The following ARFIP1 variants were observed in gnomAD, a reference collection of about 807,000 sequenced individuals.
The protein encoded by ARFIP1 is arfaptin-1.
Under a neutral mutation model 42.5 loss-of-function variants are expected in ARFIP1, and 24 were observed. The ratio of observed to expected loss-of-function variants is 0.57; its 90% confidence interval spans 0.41 to 0.80. The LOEUF is 0.80. Ranked by LOEUF, ARFIP1 falls within the 30% of genes least tolerant of loss-of-function variation. ARFIP1 has a pLI of 0.00. For synonymous variants in ARFIP1, 141 were observed against 153.7 expected (o/e 0.92, Z 0.61); for missense variants, 354 against 434.0 (o/e 0.82, Z 1.64).
intron 5 of ARFIP1, among the ~76,000 whole-genome samples, chr4:152,878,954 G>A (rs1448978304): frequency 2.6e-5 from 4 of 152,192 alleles, no homozygotes; most frequent in African/African-American, 7.2e-5. Flanking sequence ...AATAAGTGAT[G>A]TATCTATCTC....
chr4:152,881,235 G>T (rs750222943), intron 6 of ARFIP1, 51 bp downstream of exon 6: 2 of 1,364,254 alleles, frequency 1.5e-6, no homozygotes, highest in African/African-American at 1.5e-5. Context: ...GATAATAGAA[G>T]TATTCTAAGA....
chr4:152,823,946 A>G (rs998127385), intron 1 of ARFIP1, among the ~76,000 whole-genome samples: 2 of 152,218 alleles, frequency 1.3e-5, no homozygotes, highest in Admixed American at 1.3e-4. Context: ...AGACCAATAT[A>G]CCTGATGAAC....
At chr4:152,832,771 G>C (rs892451559) in intron 2 of ARFIP1, among the ~76,000 whole-genome samples, 2 of 152,140 alleles carry the variant, frequency 1.3e-5, no homozygotes, top group African/African-American at 4.8e-5. Flanking sequence ...TAGGGACCAA[G>C]ATTTTTCTTC....
chr4:152,894,715 T>C (rs1737165398), intron 8 of ARFIP1, among the ~76,000 whole-genome samples: 1 of 152,232 alleles, frequency 6.6e-6, no homozygotes, highest in South Asian at 2.1e-4. Flanking sequence ...CTTTCAACAC[T>C]GTGCCAAATA....
chr4:152,814,124 C>G (rs1034794794), intron 1 of ARFIP1, among the ~76,000 whole-genome samples: 6 of 130,582 alleles, frequency 4.6e-5, no homozygotes, highest in African/African-American at 1.8e-4. Context: ...TTGTTTCACT[C>G]TGTCACCCAG....
intron 1 of ARFIP1, among the ~76,000 whole-genome samples, chr4:152,819,211 A>G (rs1365237085): frequency 1.3e-5 from 2 of 152,274 alleles, no homozygotes; most frequent in African/African-American, 4.8e-5. Context: ...CAGCTGGCAC[A>G]GCCCCGTTAC....
chr4:152,812,097 A>G lies in ARFIP1; in HGVS notation c.-9-17528A>G, dbSNP rs532599100. Among the ~76,000 whole-genome samples the G allele has an allele frequency of 5.3e-5, 8 of 152,336 alleles. No homozygotes were observed. The East Asian group carries it at 1.5e-3, about 29-fold the overall frequency. On this transcript the variant is annotated intron_variant, in intron 1 of 8. Coordinates refer to ENST00000353617, the MANE Select transcript of ARFIP1 (RefSeq NM_001025595.3). Reference sequence around the variant, plus strand: ...TTATTTAAAGTCACAAACCCGGAACAATACATAGTTCCATTGCTGTAATTT... The same window carrying G: ...TTATTTAAAGTCACAAACCCGGAACGATACATAGTTCCATTGCTGTAATTT...
At chr4:152,866,944 C>T (rs573693747) in intron 3 of ARFIP1, among the ~76,000 whole-genome samples, 111 of 150,884 alleles carry the variant, frequency 7.4e-4, no homozygotes, top group African/African-American at 2.6e-3. Context: ...GGATGGCGGC[C>T]GGGAAGAGGC....
chr4:152,889,616 A>C (rs1192044260), intron 8 of ARFIP1, among the ~76,000 whole-genome samples: 1 of 129,030 alleles, frequency 7.8e-6, no homozygotes, highest in East Asian at 2.1e-4. Context: ...CTATATATAC[A>C]TATATATACT....
At chr4:152,829,305 C>A (rs1731085954) in intron 1 of ARFIP1, among the ~76,000 whole-genome samples, 1 of 152,082 alleles carries the variant, frequency 6.6e-6, no homozygotes. Flanking sequence ...GAATTAACAA[C>A]CAAGCTTGGC....
intron 8 of ARFIP1, among the ~76,000 whole-genome samples, chr4:152,901,341 T>C (rs1430063517): frequency 6.6e-6 from 1 of 152,224 alleles, no homozygotes; most frequent in Non-Finnish European, 1.5e-5. Flanking sequence ...CTTGGCATCA[T>C]CTATCAGTTC....
intron 1 of ARFIP1, among the ~76,000 whole-genome samples, chr4:152,816,010 C>T (rs1021739521): frequency 6.6e-6 from 1 of 152,136 alleles, no homozygotes; most frequent in Non-Finnish European, 1.5e-5. Context: ...TCCCAAAGTG[C>T]TGGGATTACA....
intron 2 of ARFIP1, among the ~76,000 whole-genome samples, chr4:152,859,262 A>G (rs908557348): frequency 6.6e-6 from 1 of 152,042 alleles, no homozygotes; most frequent in Non-Finnish European, 1.5e-5. Context: ...GGGTTTTGCC[A>G]TGTTGCCTAG....
At chr4:152,824,509 C>A (rs1019432609) in intron 1 of ARFIP1, among the ~76,000 whole-genome samples, 1 of 151,996 alleles carries the variant, frequency 6.6e-6, no homozygotes, top group African/African-American at 2.4e-5. Context: ...ATGATAAAAA[C>A]CCTCAACAAA....
At position 152,905,542 on chromosome 4, in the gene ARFIP1, A is replaced by ATTGTTTTTT. The variant is rs1561186879; in HGVS notation, c.967-4519_967-4511dup. Among the ~76,000 whole-genome samples, 23 of 45,970 alleles carry ATTGTTTTTT rather than the reference A, an allele frequency of 5.0e-4. 1 individual carries two copies. Among genetic ancestry groups the ATTGTTTTTT allele is most frequent in the Non-Finnish European group, 7.2e-4 (17 of 23,668 alleles). 30.2% of individuals were successfully genotyped at this position (45,970 alleles called of 152,430 possible). A position where few individuals can be genotyped will look rare whatever the true frequency, so the allele number is the denominator to read the frequency against. ...AGGTTATTCTTACTGAATTGTAAGAATTGTTTTTTTTTTTTTTTTTTTTTT... is the reference window on the plus strand; with the variant it reads ...AGGTTATTCTTACTGAATTGTAAGAATTGTTTTTTTTGTTTTTTTTTTTTTTTTTTTTTT... On this transcript the variant is annotated intron_variant, in intron 8 of 8. Coordinates refer to ENST00000353617, the MANE Select transcript of ARFIP1 (RefSeq NM_001025595.3).
intron 1 of ARFIP1, among the ~76,000 whole-genome samples, chr4:152,815,537 A>T (rs77309444): frequency 0.016 from 2,421 of 152,240 alleles, 61 homozygotes; most frequent in African/African-American, 0.055. Flanking sequence ...AAACTTTGAT[A>T]TGTCCTAAAC....
intron 1 of ARFIP1, among the ~76,000 whole-genome samples, chr4:152,787,131 C>A (rs1730856670): frequency 6.6e-6 from 1 of 152,152 alleles, no homozygotes; most frequent in Admixed American, 6.5e-5. Flanking sequence ...ATCCCTAGAA[C>A]CTAGCTCAGT....
intron 2 of ARFIP1, among the ~76,000 whole-genome samples, chr4:152,845,779 A>G (rs1335137072): frequency 6.6e-6 from 1 of 152,234 alleles, no homozygotes; most frequent in Non-Finnish European, 1.5e-5. Context: ...CACTGTGGAA[A>G]GCAGTTTGGA....
chr4:152,807,585 G>A (rs56899817), intron 1 of ARFIP1, among the ~76,000 whole-genome samples: 5,699 of 152,112 alleles, frequency 0.037, 348 homozygotes, highest in African/African-American at 0.13. Context: ...GTTCTGTTAC[G>A]TTTTGGCCAT....
Sources: allele counts gnomAD v4.1 joint callset (sites outside exome capture counted in the v4.1 genomes callset), GRCh38; gene constraint gnomAD v4.1.1; transcripts MANE v1.5; gene names NCBI Gene and HGNC (gene_info 2026-07-23, HGNC 2026-07-21).